KANSL1L: variants seen among roughly 807,000 people sequenced by gnomAD.
The protein encoded by KANSL1L is KAT8 regulatory NSL complex subunit 1 like.
Under a neutral mutation model 108.6 loss-of-function variants are expected in KANSL1L, and 25 were observed. The observed-to-expected ratio is 0.23, with a 90% CI of 0.17 to 0.32. The LOEUF is 0.32. Among genes scored for constraint, KANSL1L ranks in the 10% least tolerant of loss-of-function variants. The probability of loss-of-function intolerance (pLI) is 1.00; values close to 1 mark genes in which losing one functional copy is unlikely to be tolerated. For missense variants in KANSL1L, 1,137 were observed against 1,125.7 expected, an observed-to-expected ratio of 1.01 and a Z score of -0.14; for synonymous variants, 405 against 395.1, an observed-to-expected ratio of 1.03 and a Z score of -0.30.
intron 9 of KANSL1L, chr2:210,030,963 T>C (rs2094008054): frequency 6.6e-6 from 1 of 152,310 alleles, no homozygotes; most frequent in Admixed American, 6.5e-5. Flanking sequence ...GTATACTTCA[T>C]GTTGCATCTT....
intron 6 of KANSL1L, among the ~76,000 whole-genome samples, chr2:210,054,946 T>G (rs1223462791): frequency 3.9e-5 from 6 of 152,098 alleles, no homozygotes; most frequent in Non-Finnish European, 7.4e-5. Context: ...TCAGAAAAAT[T>G]GTAGAGTACA....
In KANSL1L at chr2:210,128,537, G is replaced by A. The variant is rs569971067; in HGVS notation, c.1230+494C>T. On this transcript the variant is annotated intron_variant, in intron 3 of 14. Transcript: ENST00000281772. ...AAACTTATGATTCTGCTCATATGAG[G>A]TACTTAAAATAGTCAAAATCATAAG... 7.2e-5 allele frequency among the ~76,000 whole-genome samples: 11 copies of A among 152,240 alleles called. No individual in the cohort carries two copies. The South Asian group carries it at 2.3e-3, about 32-fold the overall frequency.
At chr2:210,114,289 C>A (rs1336151301) in intron 3 of KANSL1L, among the ~76,000 whole-genome samples, 1 of 151,906 alleles carries the variant, frequency 6.6e-6, no homozygotes, top group Admixed American at 6.6e-5. Flanking sequence ...AAAAAACAAA[C>A]AAAAGAAAAC....
chr2:210,110,392 G>C (rs555803478), intron 3 of KANSL1L, among the ~76,000 whole-genome samples: 1 of 151,998 alleles, frequency 6.6e-6, no homozygotes, highest in Admixed American at 6.5e-5. Context: ...AGTGTAGAGA[G>C]AGGCAGTTTT....
intron 12 of KANSL1L, 95 bp from the exon 13 acceptor site, chr2:210,025,311 CT>C: frequency 1.4e-6 from 1 of 692,106 alleles, no homozygotes; most frequent in Non-Finnish European, 2.6e-6. Flanking sequence ...AATCCCAACA[CT>C]TTGGAAGGCC....
At chr2:210,109,463 A>G (rs2094883774) in intron 3 of KANSL1L, among the ~76,000 whole-genome samples, 1 of 152,176 alleles carries the variant, frequency 6.6e-6, no homozygotes, top group African/African-American at 2.4e-5. Context: ...ACCATATAGA[A>G]TACTGTTTCC....
chr2:210,075,814 C>CA (rs1458781662), intron 5 of KANSL1L, 58 bp from the exon 6 acceptor site: 2 of 1,250,272 alleles, frequency 1.6e-6, no homozygotes, highest in Non-Finnish European at 2.3e-6. Flanking sequence ...ACAAAACAAA[C>CA]AAAAAAGACA....
At chr2:210,079,618 A>G (rs1225934489) in intron 5 of KANSL1L, among the ~76,000 whole-genome samples, 122 of 874 alleles carry the variant, frequency 0.14, 5 homozygotes, top group East Asian at 0.5. Context: ...ATGTGTATAT[A>G]TATATATATA....
chr2:210,099,864 T>C (rs2094776028), intron 4 of KANSL1L, among the ~76,000 whole-genome samples: 1 of 151,750 alleles, frequency 6.6e-6, no homozygotes, highest in African/African-American at 2.4e-5. Flanking sequence ...ACAGAGAAAA[T>C]GTGAATAAGA....
intron 2 of KANSL1L, among the ~76,000 whole-genome samples, chr2:210,132,726 C>A (rs1278691497): frequency 6.6e-6 from 1 of 152,124 alleles, no homozygotes; most frequent in Admixed American, 6.6e-5. Context: ...TTTGTTATTT[C>A]ATTTAGGATT....
At chr2:210,119,681 T>C (rs1335778128) in intron 3 of KANSL1L, among the ~76,000 whole-genome samples, 2 of 152,056 alleles carry the variant, frequency 1.3e-5, no homozygotes, top group East Asian at 3.8e-4. Context: ...ATAAAGGAAC[T>C]TACCTCAACA....
intron 5 of KANSL1L, among the ~76,000 whole-genome samples, chr2:210,095,938 C>A (rs1329958769): frequency 1.3e-5 from 2 of 152,056 alleles, no homozygotes; most frequent in South Asian, 2.1e-4. Context: ...AAAAAGAGTT[C>A]ATTGTTGCCA....
chr2:210,105,938 G>C (rs1247928432), intron 3 of KANSL1L, among the ~76,000 whole-genome samples: 2 of 152,084 alleles, frequency 1.3e-5, no homozygotes. Flanking sequence ...GGTATCATTA[G>C]TCTGAAAAGC....
chr2:210,132,925 T>C (rs1033666845), intron 2 of KANSL1L, among the ~76,000 whole-genome samples: 1 of 152,208 alleles, frequency 6.6e-6, no homozygotes, highest in Non-Finnish European at 1.5e-5. Context: ...AGTGAAGCCA[T>C]CTGAGCCACA....
Position 210,022,472 on chromosome 2 carries a change from C to CA in KANSL1L, c.*476dup. 1 of 157,136 alleles carries CA rather than the reference C, an allele frequency of 6.4e-6. No individual in the cohort carries two copies. Among genetic ancestry groups the CA allele is most frequent in the African/African-American group, 2.4e-5 (1 of 41,004 alleles). 9.7% of individuals were successfully genotyped at this position (157,136 alleles called of 1,614,324 possible). On this transcript the variant is annotated 3_prime_UTR_variant, in exon 15 of 15. Coordinates refer to ENST00000281772, the MANE Select transcript of KANSL1L (RefSeq NM_152519.4). ...GTCATTGCCAGTGTTTTAAAAACTACATAGGGGTGTGTGTGTGTGTGTATG... is the reference window on the plus strand; with the variant it reads ...GTCATTGCCAGTGTTTTAAAAACTACAATAGGGGTGTGTGTGTGTGTGTATG...
intron 5 of KANSL1L, chr2:210,097,249 A>C: frequency 1.0e-6 from 1 of 967,288 alleles, no homozygotes; most frequent in Non-Finnish European, 1.2e-6. Flanking sequence ...AAAGAATTTG[A>C]TGGCTACTTA....
At chr2:210,164,639 T>C (rs1474897503) in intron 1 of KANSL1L, among the ~76,000 whole-genome samples, 1 of 151,964 alleles carries the variant, frequency 6.6e-6, no homozygotes, top group Admixed American at 6.6e-5. Context: ...GGAAGAAAAC[T>C]GGAAAAAAGA....
At chr2:210,046,370 A>C (rs896478579) in intron 6 of KANSL1L, among the ~76,000 whole-genome samples, 14 of 152,136 alleles carry the variant, frequency 9.2e-5, no homozygotes, top group African/African-American at 3.4e-4. Context: ...ATCTCATCTA[A>C]ATATCATCTA....
chr2:210,085,410 C>T (rs1559544212), intron 5 of KANSL1L, among the ~76,000 whole-genome samples: 1 of 152,086 alleles, frequency 6.6e-6, no homozygotes, highest in Non-Finnish European at 1.5e-5. Flanking sequence ...TTATCTCTGG[C>T]TCTTAACTTA....
Sources: gnomAD v4.1 joint callset for allele counts (sites outside exome capture counted in the v4.1 genomes callset) on GRCh38, gnomAD v4.1.1 for gene constraint, MANE v1.5 for transcripts, NCBI Gene and HGNC (gene_info 2026-07-23, HGNC 2026-07-21) for gene names.